Variants in NMBR observed in about 807,000 individuals in gnomAD.
The protein encoded by NMBR is neuromedin B receptor.
NMBR carries 16 observed loss-of-function variants against 20.5 expected under a neutral mutation model. The observed-to-expected ratio is 0.78, with a 90% CI of 0.53 to 1.19. The LOEUF is 1.19. Among genes scored for constraint, NMBR ranks in the 50% most tolerant of loss-of-function variants. The pLI is 0.00. For synonymous variants in NMBR, 212 were observed against 196.6 expected (o/e 1.08, Z -0.65); for missense variants, 582 against 499.1 (o/e 1.17, Z -1.58).
chr6:142,128,493 T>C (rs753548797), intron 1 of NMBR, among the ~76,000 whole-genome samples: 17 of 152,210 alleles, frequency 1.1e-4, no homozygotes, highest in South Asian at 4.1e-4. Flanking sequence ...ATTATGATGT[T>C]AGCAGTGGGC....
At chr6:142,090,150 G>A (rs1777296267) in intron 1 of NMBR, among the ~76,000 whole-genome samples, 1 of 152,028 alleles carries the variant, frequency 6.6e-6, no homozygotes, top group Non-Finnish European at 1.5e-5. Flanking sequence ...CACCATCTGA[G>A]TCTAATGTAA....
intron 1 of NMBR, among the ~76,000 whole-genome samples, chr6:142,098,823 T>A (rs182189347): frequency 1.3e-5 from 2 of 152,272 alleles, no homozygotes; most frequent in Admixed American, 1.3e-4. Context: ...AAAGCGATGA[T>A]AACAGGCACA....
At chr6:142,133,918 C>CG (rs1562247598) in intron 1 of NMBR, 1 of 702,350 alleles carries the variant, frequency 1.4e-6, no homozygotes, top group Admixed American at 2.0e-5. Flanking sequence ...TATTCTTCCT[C>CG]GGGGTGCTAG....
intron 1 of NMBR, chr6:142,133,185 C>A: frequency 1.5e-6 from 1 of 685,606 alleles, no homozygotes; most frequent in Non-Finnish European, 2.7e-6. Flanking sequence ...TCAAAAACTT[C>A]TATGAAGGAT....
At chr6:142,124,139 TC>T (rs1488497729) in intron 1 of NMBR, among the ~76,000 whole-genome samples, 1 of 151,798 alleles carries the variant, frequency 6.6e-6, no homozygotes, top group Non-Finnish European at 1.5e-5. Context: ...TGATTATTTT[TC>T]CCAAAATTTA....
intron 1 of NMBR, among the ~76,000 whole-genome samples, chr6:142,121,787 T>C (rs568158202): frequency 6.6e-6 from 1 of 152,000 alleles, no homozygotes; most frequent in Non-Finnish European, 1.5e-5. Context: ...CACATTTACC[T>C]AACTATATAC....
At chr6:142,132,058 C>T (rs867082603) in intron 1 of NMBR, among the ~76,000 whole-genome samples, 2 of 152,240 alleles carry the variant, frequency 1.3e-5, no homozygotes, top group Middle Eastern at 3.4e-3. Flanking sequence ...ATTAAGTTGT[C>T]CATGTTTATT....
intron 1 of NMBR, among the ~76,000 whole-genome samples, chr6:142,124,951 T>C (rs947375364): frequency 1.3e-5 from 2 of 151,870 alleles, no homozygotes; most frequent in African/African-American, 2.4e-5. Context: ...GTTAAATCAT[T>C]TGCCCAAAAT....
chr6:142,101,128 A>G (rs1249194327), intron 1 of NMBR, among the ~76,000 whole-genome samples: 1 of 152,230 alleles, frequency 6.6e-6, no homozygotes, highest in Non-Finnish European at 1.5e-5. Flanking sequence ...AGTGAAGGAA[A>G]GAAACAACCA....
At chr6:142,080,437 A>G (rs1777071707) in intron 2 of NMBR, among the ~76,000 whole-genome samples, 1 of 151,178 alleles carries the variant, frequency 6.6e-6, no homozygotes, top group Non-Finnish European at 1.5e-5. Context: ...TAGCCTCCCA[A>G]GTAGCTAGGA....
chr6:142,076,813 C>T (rs1278599835), intron 3 of NMBR, among the ~76,000 whole-genome samples: 3 of 152,006 alleles, frequency 2.0e-5, no homozygotes, highest in Non-Finnish European at 4.4e-5. Context: ...TTAATTAAAC[C>T]AACATGGACA....
intron 1 of NMBR, among the ~76,000 whole-genome samples, chr6:142,136,739 T>G (rs1309396859): frequency 6.6e-6 from 1 of 152,202 alleles, no homozygotes; most frequent in African/African-American, 2.4e-5. Flanking sequence ...CCAGCACCAT[T>G]TATTAAATAG....
chr6:142,088,890 C>T lies in NMBR; in HGVS notation c.-232G>A, dbSNP rs1266172830. ...AGGGGGGAAATGGCTCCGGCTAACT[C>T]TGAATTTAAATTAAAAAAAAAAAAA... On this transcript the variant is annotated 5_prime_UTR_variant, in exon 2 of 4. Coordinates refer to ENST00000258042, the MANE Select transcript of NMBR (RefSeq NM_002511.4). 2.4e-6 allele frequency: 1 copy of T among 415,452 alleles called. No homozygotes were observed. The highest frequency in any genetic ancestry group is 4.1e-6 in the Non-Finnish European group (1 of 241,846). The allele number at this position is 415,452 out of a possible 1,614,324, so 25.7% of individuals were successfully genotyped here. A position where few individuals can be genotyped will look rare whatever the true frequency, so the allele number is the denominator to read the frequency against.
rs200981099 is a variant in NMBR, at chr6:142,088,508, G to T, written c.151C>A (p.Leu51Met). The change falls in exon 2 of 4, where the codon CTG becomes ATG. Residue 51 changes from leucine (L) to methionine (M), a missense_variant. Transcript: ENST00000258042. ...VIRCVIPSLY[L>M]LIITVGLLGN... Reference sequence around the variant, plus strand: ...AGCAAGCCCACGGTGATGATGAGCAGGTAGAGGGACGGGATCACACAGCGG... The same window carrying T: ...AGCAAGCCCACGGTGATGATGAGCATGTAGAGGGACGGGATCACACAGCGG... 8.9e-5 allele frequency: 144 copies of T among 1,613,988 alleles called. No homozygotes were observed. The highest frequency in any genetic ancestry group is 1.2e-4 in the Non-Finnish European group (138 of 1,180,018).
chr6:142,129,165 G>C (rs990304903), intron 1 of NMBR, among the ~76,000 whole-genome samples: 1 of 151,482 alleles, frequency 6.6e-6, no homozygotes, highest in African/African-American at 2.4e-5. Flanking sequence ...AGAAGTTTTA[G>C]GACACCAAGA....
chr6:142,098,226 A>C (rs902319376), intron 1 of NMBR, among the ~76,000 whole-genome samples: 2 of 152,090 alleles, frequency 1.3e-5, no homozygotes, highest in Non-Finnish European at 2.9e-5. Flanking sequence ...ACAAAGAAAA[A>C]TTTGCCAAGA....
chr6:142,086,511 A>G (rs1777203463), intron 2 of NMBR, among the ~76,000 whole-genome samples: 1 of 152,112 alleles, frequency 6.6e-6, no homozygotes, highest in South Asian at 2.1e-4. Context: ...GAATCATGGA[A>G]TATATTGCAT....
chr6:142,078,144 T>G (rs1176674455), intron 3 of NMBR, among the ~76,000 whole-genome samples: 1 of 152,188 alleles, frequency 6.6e-6, no homozygotes, highest in African/African-American at 2.4e-5. Context: ...CTATAGTCCT[T>G]TCCTGATGCA....
chr6:142,129,468 C>G (rs1356503129), intron 1 of NMBR, among the ~76,000 whole-genome samples: 2 of 152,024 alleles, frequency 1.3e-5, no homozygotes, highest in African/African-American at 4.8e-5. Flanking sequence ...AATTAACTAA[C>G]AGCCTTAAGT....
Sources: gnomAD v4.1 joint callset for allele counts (sites outside exome capture counted in the v4.1 genomes callset) on GRCh38, gnomAD v4.1.1 for gene constraint, MANE v1.5 for transcripts, NCBI Gene and HGNC (gene_info 2026-07-23, HGNC 2026-07-21) for gene names.